The following TLL1 variants were observed in gnomAD, a reference collection of about 807,000 sequenced individuals.
The protein encoded by TLL1 is tolloid-like protein 1.
In TLL1, 49 loss-of-function variants were observed where a neutral mutation model predicts 128.2. That is an observed-to-expected ratio of 0.38 (90% CI 0.30 to 0.48). TLL1 has a LOEUF of 0.48. Among genes scored for constraint, TLL1 ranks in the 20% least tolerant of loss-of-function variants. The pLI is 0.96. For missense variants in TLL1, 1,123 were observed against 1,242.0 expected (o/e 0.90, Z 1.44); for synonymous variants, 454 against 418.8 (o/e 1.08, Z -1.03).
At chr4:166,095,672 A>T (rs987786) in intron 19 of TLL1, among the ~76,000 whole-genome samples, 97,773 of 151,870 alleles carry the variant, frequency 0.64, 31,899 homozygotes, top group Middle Eastern at 0.84. Context: ...ATTACAAGGT[A>T]TCTCCTGGAG....
chr4:165,899,967 T>C (rs186375871), intron 1 of TLL1, among the ~76,000 whole-genome samples: 2 of 152,346 alleles, frequency 1.3e-5, no homozygotes, highest in South Asian at 4.1e-4. Flanking sequence ...TTTACCATTA[T>C]GTAATGCCTT....
rs532785233 is a variant in TLL1 at position 166,043,265 on chromosome 4, T to G, written c.1379-9T>G. The G allele has an allele frequency of 6.2e-7, 1 of 1,614,078 alleles. No homozygotes were observed. The highest frequency in any genetic ancestry group is 1.3e-5 in the African/African-American group (1 of 75,052). On this transcript the variant is annotated splice_polypyrimidine_tract_variant and intron_variant, in intron 11 of 20. Coordinates refer to ENST00000061240, the MANE Select transcript of TLL1 (RefSeq NM_012464.5). ...CTTAGTTATTTGTTTATTTTTTGGC[T>G]TTCTTCAGCGATCTGTGGAGGTGAG...
intron 1 of TLL1, among the ~76,000 whole-genome samples, chr4:165,879,963 A>G (rs1164852292): frequency 6.6e-6 from 1 of 151,778 alleles, no homozygotes; most frequent in Non-Finnish European, 1.5e-5. Flanking sequence ...TGAGGAGTGC[A>G]GAGTCCTCTC....
At chr4:166,054,490 G>T (rs1739906988) in intron 12 of TLL1, among the ~76,000 whole-genome samples, 1 of 151,792 alleles carries the variant, frequency 6.6e-6, no homozygotes, top group African/African-American at 2.4e-5. Flanking sequence ...ATGTATACAT[G>T]TGCCATGCTG....
At chr4:165,994,297 C>T in intron 3 of TLL1, 84 bp from the exon 4 acceptor site, 1 of 1,521,386 alleles carries the variant, frequency 6.6e-7, no homozygotes, top group Admixed American at 1.7e-5. Context: ...GTAAATAAGA[C>T]ATTTTAACTT....
intron 1 of TLL1, among the ~76,000 whole-genome samples, chr4:165,980,502 C>T (rs993248392): frequency 6.6e-6 from 1 of 152,060 alleles, no homozygotes. Flanking sequence ...GTAATTCAAA[C>T]GTGCAGCCAA....
At chr4:166,091,056 C>G (rs1260004498) in intron 18 of TLL1, 72 bp from the exon 19 acceptor site, 2 of 1,311,998 alleles carry the variant, frequency 1.5e-6, no homozygotes, top group Non-Finnish European at 2.1e-6. Context: ...ATATGTATTT[C>G]TGTCCCAAAA....
At chr4:166,026,195 C>G (rs911688278) in intron 9 of TLL1, among the ~76,000 whole-genome samples, 2 of 151,724 alleles carry the variant, frequency 1.3e-5, no homozygotes, top group African/African-American at 4.8e-5. Flanking sequence ...TGAGACCAGA[C>G]TGGCCAACAT....
intron 5 of TLL1, among the ~76,000 whole-genome samples, chr4:165,997,275 C>G (rs1215156099): frequency 6.6e-6 from 1 of 152,064 alleles, no homozygotes; most frequent in African/African-American, 2.4e-5. Context: ...CTTGTCAAGT[C>G]AAGCACATTA....
intron 1 of TLL1, among the ~76,000 whole-genome samples, chr4:165,968,476 G>A (rs1361429835): frequency 6.6e-6 from 1 of 152,072 alleles, no homozygotes; most frequent in Non-Finnish European, 1.5e-5. Flanking sequence ...AATGATTGGT[G>A]AAAACACTTT....
At chr4:165,920,239 T>TAAA (rs1732985856) in intron 1 of TLL1, among the ~76,000 whole-genome samples, 3 of 152,218 alleles carry the variant, frequency 2.0e-5, no homozygotes, top group Non-Finnish European at 4.4e-5. Flanking sequence ...ACTTAGAAAG[T>TAAA]CTAATTTAAA....
At chr4:165,953,068 A>G (rs944508094) in intron 1 of TLL1, among the ~76,000 whole-genome samples, 3 of 152,188 alleles carry the variant, frequency 2.0e-5, no homozygotes, top group Non-Finnish European at 4.4e-5. Context: ...AATGAAGGTC[A>G]GAATAAGATG....
At chr4:165,887,000 T>G (rs1396959384) in intron 1 of TLL1, among the ~76,000 whole-genome samples, 1 of 152,164 alleles carries the variant, frequency 6.6e-6, no homozygotes, top group Non-Finnish European at 1.5e-5. Flanking sequence ...TTCTTGAATT[T>G]TATGAAAATA....
At position 165,995,161 on chromosome 4, in the gene TLL1, C is replaced by T. The variant is rs866468045; in HGVS notation, c.615C>T (p.Phe205=). Residue 205 remains phenylalanine, a synonymous_variant, in exon 5 of 21, where the codon TTC becomes TTT. Coordinates refer to ENST00000061240, the MANE Select transcript of TLL1 (RefSeq NM_012464.5). ...ERSDEESYIV[F]TYRPCGCCSY... ...GTGATGAAGAGAGTTACATTGTATT[C>T]ACCTATAGGCCTTGTGGGTAAGTAG... is the stretch of plus-strand genomic sequence containing the variant. 1.2e-5 allele frequency: 19 copies of T among 1,612,938 alleles called. No homozygotes were observed. The highest frequency in any genetic ancestry group is 1.6e-5 in the Non-Finnish European group (19 of 1,179,216).
chr4:166,065,705 A>G lies in TLL1; in HGVS notation c.2030A>G (p.Glu677Gly). The G allele has an allele frequency of 6.2e-7, 1 of 1,612,998 alleles. No homozygotes were observed. Among genetic ancestry groups the G allele is most frequent in the Non-Finnish European group, 8.5e-7 (1 of 1,179,284 alleles). Residue 677 changes from glutamate (E) to glycine (G), a missense_variant, in exon 16 of 21, where the codon GAG (glutamate) becomes GGG (glycine). Glu to Gly is a moderately conservative substitution (Grantham distance 98). Coordinates refer to ENST00000061240, the MANE Select transcript of TLL1 (RefSeq NM_012464.5). Reference protein sequence around the residue: ...GNEVCKYDYVEIWSGLSSESK... With the variant: ...GNEVCKYDYVGIWSGLSSESK... ...TAGGTTTGCAAATATGATTATGTGG[A>G]GATCTGGAGTGGTCTTTCCTCTGAG...
Position 165,928,891 on chromosome 4 carries a change from GTGTC to G in TLL1, c.169+54821_169+54824del, listed in dbSNP as rs1400653798. Among the ~76,000 whole-genome samples the G allele has an allele frequency of 3.3e-5, 5 of 152,306 alleles. No homozygotes were observed. In the East Asian group the frequency reaches 5.8e-4, roughly 18 times the overall value. On this transcript the variant is annotated intron_variant, in intron 1 of 20. Coordinates refer to ENST00000061240, the MANE Select transcript of TLL1 (RefSeq NM_012464.5). ...TACAACAAATCCAATTTTTTAAAAA[GTGTC>G]TGATTTTTTTTCCTCATCAAATTCT... is the stretch of plus-strand genomic sequence containing the variant.
Position 165,989,491 on chromosome 4 carries a change from G to T in TLL1, c.280G>T (p.Gly94Cys). ...NPFGNLGHTT[G>C]GLGDHAMSKK... Reference sequence around the variant, plus strand: ...CTTTGGAAACCTTGGACATACCACAGGTATGGTTGATTGTTTCAGAAAATT... The same window carrying T: ...CTTTGGAAACCTTGGACATACCACATGTATGGTTGATTGTTTCAGAAAATT... The change falls in exon 2 of 21, where the codon GGT (glycine) becomes TGT (cysteine). Residue 94 changes from glycine (G) to cysteine (C), a missense_variant and splice_region_variant. Around this residue, in one of 3 missense-constraint regions of TLL1, gnomAD observed 480 missense variants for 542.4 expected, o/e 0.89. Coordinates refer to ENST00000061240, the MANE Select transcript of TLL1 (RefSeq NM_012464.5). 6.2e-7 allele frequency: 1 copy of T among 1,604,876 alleles called. No homozygotes were observed. The highest frequency in any genetic ancestry group is 8.5e-7 in the Non-Finnish European group (1 of 1,172,354).
intron 9 of TLL1, among the ~76,000 whole-genome samples, chr4:166,029,482 T>G (rs1200136372): frequency 6.6e-6 from 1 of 152,074 alleles, no homozygotes; most frequent in African/African-American, 2.4e-5. Flanking sequence ...TGTTATTTAT[T>G]GTGGTAAAAT....
At chr4:166,014,714 G>A (rs1737858098) in intron 8 of TLL1, among the ~76,000 whole-genome samples, 154 bp downstream of exon 8, 1 of 151,910 alleles carries the variant, frequency 6.6e-6, no homozygotes, top group Non-Finnish European at 1.5e-5. Flanking sequence ...TGAGGCAGGA[G>A]GGAACTCTGG....
Sources: allele counts gnomAD v4.1 joint callset (sites outside exome capture counted in the v4.1 genomes callset), GRCh38; gene constraint gnomAD v4.1.1; regional missense constraint gnomAD v4.1.1; transcripts MANE v1.5; gene names NCBI Gene and HGNC (gene_info 2026-07-23, HGNC 2026-07-21).